OR51B5: variants seen among roughly 807,000 people sequenced by gnomAD.
OR51B5 encodes the protein olfactory receptor family 51 subfamily B member 5.
For missense variants in OR51B5, 456 were observed against 374.6 expected (o/e 1.22, Z -1.79); for synonymous variants, 186 against 144.8 (o/e 1.28, Z -2.04).
chr11:5,393,411 A>G (rs1252460610), intron 1 of OR51B5: 1 of 152,198 alleles, frequency 6.6e-6, no homozygotes, highest in Non-Finnish European at 1.5e-5. Flanking sequence ...GGTACAGAAC[A>G]ATCACTATGT....
At chr11:5,390,255 T>A in intron 1 of OR51B5, 1 of 1,614,050 alleles carries the variant, frequency 6.2e-7, no homozygotes, top group Admixed American at 1.7e-5. Flanking sequence ...GCTATTCATC[T>A]TCTTATGGCC....
At chr11:5,481,621 G>A (rs1851421900) in intron 1 of OR51B5, among the ~76,000 whole-genome samples, 1 of 147,518 alleles carries the variant, frequency 6.8e-6, no homozygotes, top group South Asian at 2.2e-4. Context: ...CACTGTCTCA[G>A]CCCAAAATCT....
intron 1 of OR51B5, chr11:5,389,327 T>C (rs553358581): frequency 3.1e-5 from 44 of 1,415,188 alleles, no homozygotes; most frequent in Non-Finnish European, 3.5e-5. Flanking sequence ...GCTTGTGATG[T>C]TGTGAATGTT....
At chr11:5,385,639 A>G (rs1477991139) in intron 1 of OR51B5, among the ~76,000 whole-genome samples, 1 of 151,994 alleles carries the variant, frequency 6.6e-6, no homozygotes, top group Non-Finnish European at 1.5e-5. Flanking sequence ...GCCAATATAA[A>G]TTTATGTTCT....
At chr11:5,381,332 T>G (rs563842644) in intron 1 of OR51B5, among the ~76,000 whole-genome samples, 1 of 152,336 alleles carries the variant, frequency 6.6e-6, no homozygotes, top group Non-Finnish European at 1.5e-5. Flanking sequence ...TGCCTCACAC[T>G]AATGTGTTGA....
At chr11:5,440,797 G>C in intron 1 of OR51B5, 1 of 1,613,900 alleles carries the variant, frequency 6.2e-7, no homozygotes, top group Non-Finnish European at 8.5e-7. Flanking sequence ...CAGGTGTTGA[G>C]TGCCTTGAGC....
intron 1 of OR51B5, among the ~76,000 whole-genome samples, chr11:5,492,354 C>T (rs1465691715): frequency 1.3e-5 from 2 of 152,152 alleles, no homozygotes; most frequent in African/African-American, 4.8e-5. Flanking sequence ...TCTTCCATCT[C>T]ACTCCATGTT....
At chr11:5,390,489 C>A in intron 1 of OR51B5, 2 of 946,524 alleles carry the variant, frequency 2.1e-6, no homozygotes, top group Non-Finnish European at 3.0e-6. Flanking sequence ...TGCCCCTGTC[C>A]TAAATAAAAT....
At chr11:5,434,005 T>C (rs1850563765) in intron 1 of OR51B5, among the ~76,000 whole-genome samples, 1 of 152,190 alleles carries the variant, frequency 6.6e-6, no homozygotes, top group South Asian at 2.1e-4. Context: ...TGTTTCCTTG[T>C]GCCTCTTACC....
At chr11:5,488,786 A>G in intron 1 of OR51B5, 1 of 1,614,038 alleles carries the variant, frequency 6.2e-7, no homozygotes, top group Non-Finnish European at 8.5e-7. Context: ...GAGGCTGCCC[A>G]CTTCTGGATT....
chr11:5,444,508 T>A (rs1328451593), intron 1 of OR51B5, among the ~76,000 whole-genome samples: 1 of 152,062 alleles, frequency 6.6e-6, no homozygotes, highest in Non-Finnish European at 1.5e-5. Flanking sequence ...AGGGGAGATA[T>A]AAGGGTTAAA....
chr11:5,485,273 T>C (rs1181577498), intron 1 of OR51B5, among the ~76,000 whole-genome samples: 1 of 152,158 alleles, frequency 6.6e-6, no homozygotes, highest in Non-Finnish European at 1.5e-5. Context: ...TCTCACGTTT[T>C]CTAAGTGCAT....
intron 1 of OR51B5, among the ~76,000 whole-genome samples, chr11:5,467,506 A>G (rs1487563325): frequency 6.6e-6 from 1 of 152,222 alleles, no homozygotes; most frequent in Non-Finnish European, 1.5e-5. Context: ...GAGTTGAGTT[A>G]TGCCATGGCC....
chr11:5,481,668 ATACAAAATCAATG>A (rs994333245), intron 1 of OR51B5, among the ~76,000 whole-genome samples: 4 of 134,232 alleles, frequency 3.0e-5, no homozygotes, highest in African/African-American at 1.2e-4. Context: ...AAGTCTCAGG[ATACAAAATCAATG>A]TACAAAAATC....
intron 1 of OR51B5, among the ~76,000 whole-genome samples, chr11:5,380,934 C>T (rs1023633274): frequency 6.6e-6 from 1 of 152,066 alleles, no homozygotes; most frequent in Non-Finnish European, 1.5e-5. Flanking sequence ...CTGAATGCTC[C>T]CCCTGGTGGC....
intron 1 of OR51B5, among the ~76,000 whole-genome samples, chr11:5,478,965 A>G (rs1356681003): frequency 1.3e-5 from 2 of 151,938 alleles, no homozygotes; most frequent in Non-Finnish European, 2.9e-5. Flanking sequence ...GAACTTCCCC[A>G]ATCTAGCAAG....
intron 1 of OR51B5, chr11:5,351,391 A>G: frequency 1.4e-6 from 1 of 712,778 alleles, no homozygotes; most frequent in Non-Finnish European, 2.3e-6. Flanking sequence ...GCTGTCACTG[A>G]AAGTCAGGAC....
chr11:5,394,937 A>T (rs960635520), intron 1 of OR51B5, among the ~76,000 whole-genome samples: 1 of 152,200 alleles, frequency 6.6e-6, no homozygotes, highest in South Asian at 2.1e-4. Context: ...AGACTGTCTC[A>T]AGGGGACTTT....
At chr11:5,476,022 G>A (rs1851300500) in intron 1 of OR51B5, among the ~76,000 whole-genome samples, 1 of 152,068 alleles carries the variant, frequency 6.6e-6, no homozygotes, top group African/African-American at 2.4e-5. Flanking sequence ...CTCTCTTCAT[G>A]CCTCACATAA....
Sources: gnomAD v4.1 joint callset for allele counts (sites outside exome capture counted in the v4.1 genomes callset) on GRCh38, gnomAD v4.1.1 for gene constraint, MANE v1.5 for transcripts, NCBI Gene and HGNC (gene_info 2026-07-23, HGNC 2026-07-21) for gene names.